MYO5A: variants seen among roughly 807,000 people sequenced by gnomAD.
The protein encoded by MYO5A is myosin VA.
Under a neutral mutation model 249.7 loss-of-function variants are expected in MYO5A, and 98 were observed. That is an observed-to-expected ratio of 0.39 (90% CI 0.33 to 0.46). The LOEUF is 0.46. Among genes scored for constraint, MYO5A ranks in the 20% least tolerant of loss-of-function variants. MYO5A has a pLI of 0.98. For synonymous variants in MYO5A, 778 were observed against 810.6 expected, an observed-to-expected ratio of 0.96 and a Z score of 0.68; for missense variants, 1,696 against 2,308.8, an observed-to-expected ratio of 0.73 and a Z score of 5.44.
chr15:52,333,878 C>A (rs966833927), intron 34 of MYO5A, among the ~76,000 whole-genome samples: 5 of 152,252 alleles, frequency 3.3e-5, no homozygotes, highest in Admixed American at 3.3e-4. Context: ...CAGGCAGATA[C>A]GAGGATGAAA....
intron 9 of MYO5A, among the ~76,000 whole-genome samples, chr15:52,403,364 T>C (rs930782169): frequency 6.6e-6 from 1 of 152,202 alleles, no homozygotes; most frequent in African/African-American, 2.4e-5. Flanking sequence ...TATCTCCATA[T>C]AATGGACTAT....
chr15:52,435,180 C>G (rs183304546), intron 1 of MYO5A, among the ~76,000 whole-genome samples: 1 of 151,324 alleles, frequency 6.6e-6, no homozygotes, highest in Admixed American at 6.6e-5. Context: ...AACGAAAGTA[C>G]AGGTAGATCT....
intron 12 of MYO5A, among the ~76,000 whole-genome samples, chr15:52,391,616 C>A (rs139813457): frequency 6.2e-4 from 95 of 152,286 alleles, no homozygotes; most frequent in African/African-American, 2.2e-3. Flanking sequence ...CAGTTTCTTG[C>A]ATTTCTTTAA....
chr15:52,436,331 G>A (rs1276208144), intron 1 of MYO5A, among the ~76,000 whole-genome samples: 1 of 152,194 alleles, frequency 6.6e-6, no homozygotes, highest in Non-Finnish European at 1.5e-5. Flanking sequence ...GCACTATGCA[G>A]ATCTTATTTT....
intron 4 of MYO5A, among the ~76,000 whole-genome samples, chr15:52,419,257 A>C (rs1025369272): frequency 2.0e-5 from 3 of 152,196 alleles, no homozygotes; most frequent in Non-Finnish European, 4.4e-5. Context: ...ACTTTTTTGC[A>C]GGCAACCAAT....
chr15:52,407,864 A>G (rs1261535541), intron 7 of MYO5A, among the ~76,000 whole-genome samples, 195 bp downstream of exon 7: 1 of 152,150 alleles, frequency 6.6e-6, no homozygotes. Context: ...CTCCAGGCCA[A>G]TCCTGTTCCA....
chr15:52,396,427 G>A (rs768560778), intron 10 of MYO5A, 30 bp from the exon 11 acceptor site: 2 of 1,307,380 alleles, frequency 1.5e-6, no homozygotes, highest in Admixed American at 3.6e-5. Flanking sequence ...ATGAAAAGGG[G>A]AGAAAAGGAA....
intron 24 of MYO5A, among the ~76,000 whole-genome samples, chr15:52,361,171 A>G (rs2040505208): frequency 6.6e-6 from 1 of 152,186 alleles, no homozygotes; most frequent in Admixed American, 6.5e-5. Flanking sequence ...GCTGGGGTGC[A>G]CACTAAAGGG....
At chr15:52,393,292 C>G (rs891479964) in intron 11 of MYO5A, among the ~76,000 whole-genome samples, 5 of 152,166 alleles carry the variant, frequency 3.3e-5, no homozygotes, top group African/African-American at 4.8e-5. Flanking sequence ...TTACGTGCCA[C>G]AAGATTTCCA....
intron 34 of MYO5A, among the ~76,000 whole-genome samples, chr15:52,335,074 A>C (rs1204540669): frequency 6.6e-6 from 1 of 152,268 alleles, no homozygotes; most frequent in Non-Finnish European, 1.5e-5. Flanking sequence ...GAACATCCTC[A>C]GTGATGGGGA....
chr15:52,330,595 A>G (rs919504271), intron 34 of MYO5A, 96 bp from the exon 35 acceptor site: 1 of 1,421,032 alleles, frequency 7.0e-7, no homozygotes. Flanking sequence ...TTCTACAACA[A>G]CCGAAACTTG....
intron 4 of MYO5A, among the ~76,000 whole-genome samples, chr15:52,418,469 T>C (rs906608732): frequency 1.1e-4 from 16 of 152,034 alleles, no homozygotes; most frequent in Non-Finnish European, 1.0e-4. Context: ...TGGAAGTAAC[T>C]GCTATAAAAA....
At chr15:52,362,668 T>C (rs943865410) in intron 24 of MYO5A, among the ~76,000 whole-genome samples, 3 of 152,124 alleles carry the variant, frequency 2.0e-5, no homozygotes, top group Non-Finnish European at 4.4e-5. Flanking sequence ...AGAGGACACA[T>C]GACTGAGAAA....
chr15:52,463,341 T>A (rs2076290541), intron 1 of MYO5A, among the ~76,000 whole-genome samples: 1 of 152,210 alleles, frequency 6.6e-6, no homozygotes, highest in Non-Finnish European at 1.5e-5. Flanking sequence ...AGGATATTAT[T>A]TCCTTTACCC....
intron 28 of MYO5A, among the ~76,000 whole-genome samples, chr15:52,350,613 T>G (rs1184263101): frequency 6.6e-6 from 1 of 152,180 alleles, no homozygotes; most frequent in Non-Finnish European, 1.5e-5. Context: ...AGATTCCCTC[T>G]GGTGGCAAAT....
At chr15:52,440,560 A>C (rs537369328) in intron 1 of MYO5A, among the ~76,000 whole-genome samples, 3 of 152,254 alleles carry the variant, frequency 2.0e-5, no homozygotes, top group African/African-American at 7.2e-5. Flanking sequence ...GAGTCACCGC[A>C]CCTGGCCCAC....
chr15:52,350,814 A>G (rs1159748846), intron 28 of MYO5A, among the ~76,000 whole-genome samples: 1 of 152,192 alleles, frequency 6.6e-6, no homozygotes, highest in Non-Finnish European at 1.5e-5. Context: ...AATCATCTCC[A>G]TGTAACTTCC....
intron 1 of MYO5A, among the ~76,000 whole-genome samples, chr15:52,494,291 T>C (rs1368605696): frequency 2.6e-5 from 4 of 152,192 alleles, no homozygotes; most frequent in African/African-American, 9.6e-5. Context: ...AAATATAAGA[T>C]GAAATTTCTG....
intron 31 of MYO5A, among the ~76,000 whole-genome samples, chr15:52,341,730 G>A (rs1012281852): frequency 1.4e-4 from 5 of 35,160 alleles, no homozygotes; most frequent in Admixed American, 4.7e-4. Context: ...AATGACAAGC[G>A]TTAATGATGA....
Sources: allele counts gnomAD v4.1 joint callset (sites outside exome capture counted in the v4.1 genomes callset), GRCh38; gene constraint gnomAD v4.1.1; transcripts MANE v1.5; gene names NCBI Gene and HGNC (gene_info 2026-07-23, HGNC 2026-07-21).